The following LUZP2 variants were observed in gnomAD, a reference collection of about 807,000 sequenced individuals.
LUZP2 encodes the protein leucine zipper protein 2.
Under a neutral mutation model 51.6 loss-of-function variants are expected in LUZP2, and 52 were observed. The ratio of observed to expected loss-of-function variants is 1.01; its 90% CI spans 0.81 to 1.27. The LOEUF (loss-of-function observed/expected upper bound fraction) is 1.27. Among genes scored for constraint, LUZP2 ranks in the 50% most tolerant of loss-of-function variants. The pLI, the probability that LUZP2 is intolerant of heterozygous loss-of-function variation, is 0.00. For synonymous variants in LUZP2, 154 were observed against 137.3 expected (o/e 1.12, Z -0.85); for missense variants, 436 against 395.4 (o/e 1.10, Z -0.87).
intron 1 of LUZP2, among the ~76,000 whole-genome samples, chr11:24,656,359 T>C (rs1855803566): frequency 6.6e-6 from 1 of 152,178 alleles, no homozygotes; most frequent in African/African-American, 2.4e-5. Flanking sequence ...GAGGAATAAA[T>C]GAGTTGGTAA....
intron 1 of LUZP2, among the ~76,000 whole-genome samples, chr11:24,682,163 G>C (rs1856755988): frequency 6.6e-6 from 1 of 152,094 alleles, no homozygotes. Context: ...TACTGTAAAT[G>C]TGGTAAAGAC....
chr11:25,031,015 A>ATATATATATTTT (rs1406897346), intron 9 of LUZP2, among the ~76,000 whole-genome samples: 1 of 11,880 alleles, frequency 8.4e-5, no homozygotes, highest in Non-Finnish European at 1.7e-4. Flanking sequence ...ATATATATAT[A>ATATATATATTTT]TTTTTTTTTT....
chr11:24,653,296 T>C (rs536953399), intron 1 of LUZP2, among the ~76,000 whole-genome samples: 30 of 152,296 alleles, frequency 2.0e-4, no homozygotes, highest in Non-Finnish European at 3.8e-4. Context: ...GAATTGAATG[T>C]TGGGAGTGAG....
intron 1 of LUZP2, among the ~76,000 whole-genome samples, chr11:24,633,032 A>G (rs1854947794): frequency 6.6e-6 from 1 of 152,020 alleles, no homozygotes; most frequent in Admixed American, 6.6e-5. Flanking sequence ...TATAGAAAGG[A>G]AATCTGAGCA....
chr11:24,820,421 G>A (rs569376285), intron 5 of LUZP2, among the ~76,000 whole-genome samples: 2 of 152,236 alleles, frequency 1.3e-5, no homozygotes, highest in East Asian at 3.9e-4. Context: ...AAAGAAATAA[G>A]AAATGAGAAC....
At chr11:24,564,546 T>C (rs1225500406) in intron 1 of LUZP2, among the ~76,000 whole-genome samples, 1 of 152,130 alleles carries the variant, frequency 6.6e-6, no homozygotes, top group East Asian at 1.9e-4. Flanking sequence ...CCTTTCACTA[T>C]AGTTGTATGT....
chr11:24,520,528 A>G (rs114174315), intron 1 of LUZP2, among the ~76,000 whole-genome samples: 34 of 152,360 alleles, frequency 2.2e-4, no homozygotes, highest in African/African-American at 8.2e-4. Flanking sequence ...TTAAATTTCA[A>G]TAAGTTGCTG....
intron 5 of LUZP2, among the ~76,000 whole-genome samples, chr11:24,781,927 C>CT (rs1163376909): frequency 3.3e-5 from 5 of 151,994 alleles, no homozygotes; most frequent in African/African-American, 1.2e-4. Context: ...GCCTGAGAGT[C>CT]TAACAAGTTC....
chr11:24,803,815 A>T (rs1849767773), intron 5 of LUZP2, among the ~76,000 whole-genome samples: 1 of 152,092 alleles, frequency 6.6e-6, no homozygotes, highest in South Asian at 2.1e-4. Flanking sequence ...AGTGTATGGT[A>T]ACTTATCAAT....
At chr11:24,752,803 C>T (rs768147413) in intron 4 of LUZP2, among the ~76,000 whole-genome samples, 61 of 151,698 alleles carry the variant, frequency 4.0e-4, no homozygotes, top group Admixed American at 8.5e-4. Flanking sequence ...GGCCAAAGTT[C>T]CAATGTATTA....
chr11:24,739,934 T>C (rs1859072828), intron 4 of LUZP2, among the ~76,000 whole-genome samples: 1 of 152,084 alleles, frequency 6.6e-6, no homozygotes, highest in Non-Finnish European at 1.5e-5. Context: ...GCTCACTGGA[T>C]ACCAAATGTT....
chr11:24,979,498 G>C (rs1855968340), intron 8 of LUZP2, among the ~76,000 whole-genome samples: 1 of 151,668 alleles, frequency 6.6e-6, no homozygotes, highest in Non-Finnish European at 1.5e-5. Flanking sequence ...TATAATATCT[G>C]GAATTTAAAT....
At chr11:24,497,422 G>T (rs2133738497) in intron 1 of LUZP2, 117 bp downstream of exon 1, 1 of 609,898 alleles carries the variant, frequency 1.6e-6, no homozygotes, top group East Asian at 3.5e-5. Flanking sequence ...TCCCGCCTAA[G>T]CAAGAGGGAC....
chr11:24,712,022 T>C (rs1857846072), intron 1 of LUZP2, among the ~76,000 whole-genome samples: 1 of 152,178 alleles, frequency 6.6e-6, no homozygotes, highest in African/African-American at 2.4e-5. Flanking sequence ...TAGTATACCA[T>C]AGCGTGTTGT....
At chr11:24,954,560 A>G (rs981464153) in intron 7 of LUZP2, among the ~76,000 whole-genome samples, 43 of 151,962 alleles carry the variant, frequency 2.8e-4, no homozygotes, top group African/African-American at 9.9e-4. Context: ...AACTGTCCAA[A>G]TATGTTTGGA....
At chr11:24,833,754 CAG>C (rs1850775712) in intron 5 of LUZP2, among the ~76,000 whole-genome samples, 2 of 150,684 alleles carry the variant, frequency 1.3e-5, no homozygotes, top group Non-Finnish European at 1.5e-5. Context: ...TGCAAACAAA[CAG>C]AAAAACCTGC....
chr11:24,542,851 C>G (rs1231565417), intron 1 of LUZP2, among the ~76,000 whole-genome samples: 2 of 150,930 alleles, frequency 1.3e-5, no homozygotes, highest in Admixed American at 6.6e-5. Flanking sequence ...AAATCTGTAG[C>G]TATGGTTTCC....
At chr11:24,583,990 G>A (rs568289063) in intron 1 of LUZP2, among the ~76,000 whole-genome samples, 2 of 152,124 alleles carry the variant, frequency 1.3e-5, no homozygotes, top group South Asian at 2.1e-4. Context: ...GAGATTACAG[G>A]CGTGAGCCAC....
At chr11:24,737,101 A>T (rs1442655406) in intron 3 of LUZP2, among the ~76,000 whole-genome samples, 3 of 152,090 alleles carry the variant, frequency 2.0e-5, no homozygotes, top group Non-Finnish European at 4.4e-5. Context: ...TCAGAGAATG[A>T]ACATAAGGGT....
Sources: allele counts gnomAD v4.1 joint callset (sites outside exome capture counted in the v4.1 genomes callset), GRCh38; gene constraint gnomAD v4.1.1; transcripts MANE v1.5; gene names NCBI Gene and HGNC (gene_info 2026-07-23, HGNC 2026-07-21).